Variants in DNAJC24 observed in about 807,000 individuals in gnomAD.
DNAJC24 encodes the protein dnaJ homolog subfamily C member 24.
In DNAJC24, 17 loss-of-function variants were observed where a neutral mutation model predicts 18.0. That is an observed-to-expected ratio of 0.94 (90% CI 0.65 to 1.42). The LOEUF (loss-of-function observed/expected upper bound fraction) is 1.42. DNAJC24 is among the 40% of genes most tolerant of loss of function. The pLI, the probability that DNAJC24 is intolerant of heterozygous loss-of-function variation, is 0.00. For missense variants in DNAJC24, 158 were observed against 175.6 expected (o/e 0.90, Z 0.57); for synonymous variants, 55 against 57.7 (o/e 0.95, Z 0.21).
rs1198570161 is a variant in DNAJC24 at position 31,432,553 on chromosome 11, C to A, written c.*2152C>A. ...GGGCTGGCACGTAAAAATCCAAAATCACTCAGAGGCCAAATCTGTAAAATC... is the reference window on the plus strand; with the variant it reads ...GGGCTGGCACGTAAAAATCCAAAATAACTCAGAGGCCAAATCTGTAAAATC... On this transcript the variant is annotated 3_prime_UTR_variant, in exon 5 of 5. Coordinates refer to ENST00000465995, the MANE Select transcript of DNAJC24 (RefSeq NM_181706.5). The A allele has an allele frequency of 1.2e-6, 2 of 1,611,698 alleles. No homozygotes were observed. Among genetic ancestry groups the A allele is most frequent in the Non-Finnish European group, 1.7e-6 (2 of 1,178,082 alleles).
intron 3 of DNAJC24, among the ~76,000 whole-genome samples, chr11:31,421,424 A>T (rs1307813034): frequency 1.3e-5 from 2 of 152,186 alleles, no homozygotes; most frequent in African/African-American, 4.8e-5. Context: ...ACAGTGGACT[A>T]ATTGCTAAAT....
At chr11:31,385,529 C>T (rs1952419866) in intron 2 of DNAJC24, among the ~76,000 whole-genome samples, 1 of 152,126 alleles carries the variant, frequency 6.6e-6, no homozygotes, top group Non-Finnish European at 1.5e-5. Context: ...TACTGTCCCA[C>T]CATATGATTG....
At chr11:31,374,286 G>T in intron 2 of DNAJC24, 1 of 154,098 alleles carries the variant, frequency 6.5e-6, no homozygotes, top group Non-Finnish European at 1.5e-5. Context: ...ACTTTGCTAA[G>T]AGTTTTTATG....
intron 2 of DNAJC24, among the ~76,000 whole-genome samples, chr11:31,411,191 C>T (rs1416761118): frequency 6.6e-6 from 1 of 152,054 alleles, no homozygotes; most frequent in South Asian, 2.1e-4. Context: ...ACTTTGAGAT[C>T]GGAAAGTCTT....
At position 31,374,747 on chromosome 11, in the gene DNAJC24, G is replaced by A. The variant is rs187085351; in HGVS notation, c.111+3888G>A. Among the ~76,000 whole-genome samples the A allele has an allele frequency of 2.4e-4, 32 of 133,752 alleles. 9 individuals carry two copies. The East Asian group carries it at 3.1e-3, about 13-fold the overall frequency. The allele number at this position is 133,752 out of a possible 152,430, so 87.7% of individuals were successfully genotyped here. A position where few individuals can be genotyped will look rare whatever the true frequency, so the allele number is the denominator to read the frequency against. On this transcript the variant is annotated intron_variant, in intron 2 of 4. Transcript: ENST00000465995. The stretch of plus-strand genomic sequence containing the variant: ...CTCTCAAAGGTACTTAATGCCTTCC[G>A]TTCCTCAATTTCTCCTGCCTCTGTG...
At chr11:31,426,193 A>T in intron 3 of DNAJC24, 94 bp from the exon 4 acceptor site, 1 of 744,174 alleles carries the variant, frequency 1.3e-6, no homozygotes, top group South Asian at 1.8e-5. Flanking sequence ...TTAGAATTGT[A>T]GTGGCCAGGC....
intron 2 of DNAJC24, among the ~76,000 whole-genome samples, chr11:31,407,253 G>A (rs1410747673): frequency 1.3e-5 from 2 of 152,020 alleles, no homozygotes; most frequent in Non-Finnish European, 2.9e-5. Context: ...ATGGTTTATT[G>A]TTACTTCTTA....
chr11:31,381,698 C>A (rs1952378365), intron 2 of DNAJC24, among the ~76,000 whole-genome samples: 1 of 151,688 alleles, frequency 6.6e-6, no homozygotes, highest in Non-Finnish European at 1.5e-5. Flanking sequence ...CTTCAGCTAA[C>A]CCCAGTAGCT....
chr11:31,387,580 C>T (rs1051202121), intron 2 of DNAJC24, among the ~76,000 whole-genome samples: 1 of 152,156 alleles, frequency 6.6e-6, no homozygotes, highest in Non-Finnish European at 1.5e-5. Context: ...CGAGCAGTGA[C>T]CAAAGACTTA....
chr11:31,394,061 C>T (rs952013640), intron 2 of DNAJC24, among the ~76,000 whole-genome samples: 3 of 152,138 alleles, frequency 2.0e-5, no homozygotes, highest in Non-Finnish European at 4.4e-5. Flanking sequence ...TTAGGGCCAA[C>T]AGCACTGTAA....
chr11:31,431,046 G>A lies in DNAJC24; in HGVS notation c.*645G>A, dbSNP rs1282888476. 6.6e-6 allele frequency: 1 copy of A among 152,074 alleles called. No homozygotes were observed. Among genetic ancestry groups the A allele is most frequent in the Non-Finnish European group, 1.5e-5 (1 of 68,022 alleles). The allele number at this position is 152,074 out of a possible 1,614,324, so 9.4% of individuals were successfully genotyped here. On this transcript the variant is annotated 3_prime_UTR_variant, in exon 5 of 5. Transcript: ENST00000465995. The stretch of plus-strand genomic sequence containing the variant: ...TTTAATTTCTTTTTTCTAAGACAGA[G>A]TCTCACTCTGTCGCGCCAGCTGGAG...
chr11:31,393,936 A>T (rs193089287), intron 2 of DNAJC24, among the ~76,000 whole-genome samples: 3,006 of 152,278 alleles, frequency 0.02, 85 homozygotes, highest in African/African-American at 0.068. Flanking sequence ...TACATTCCTG[A>T]GAGCCTCTGC....
chr11:31,396,445 G>A, intron 2 of DNAJC24: 1 of 327,220 alleles, frequency 3.1e-6, no homozygotes, highest in East Asian at 7.8e-5. Flanking sequence ...TCTTAGAGGA[G>A]TTCATAACTC....
chr11:31,370,891 A>G, intron 2 of DNAJC24, 32 bp downstream of exon 2: 1 of 1,430,936 alleles, frequency 7.0e-7, no homozygotes, highest in Non-Finnish European at 9.6e-7. Flanking sequence ...TTAAATCATG[A>G]GGGGAAAAAA....
At chr11:31,403,847 C>A (rs1485279137) in intron 2 of DNAJC24, among the ~76,000 whole-genome samples, 1 of 152,150 alleles carries the variant, frequency 6.6e-6, no homozygotes, top group Non-Finnish European at 1.5e-5. Context: ...AGAAAGACTT[C>A]AGGGTGAGTC....
chr11:31,388,285 T>G (rs1410798402), intron 2 of DNAJC24, among the ~76,000 whole-genome samples: 1 of 152,052 alleles, frequency 6.6e-6, no homozygotes, highest in African/African-American at 2.4e-5. Context: ...CCAAGCAGAT[T>G]TAACCGAAAT....
chr11:31,408,277 C>T, intron 2 of DNAJC24: 1 of 440,786 alleles, frequency 2.3e-6, no homozygotes, highest in Non-Finnish European at 4.5e-6. Context: ...GTAACAGTTG[C>T]TTGGAGAGCT....
At chr11:31,381,777 A>G (rs928441322) in intron 2 of DNAJC24, among the ~76,000 whole-genome samples, 1 of 151,952 alleles carries the variant, frequency 6.6e-6, no homozygotes, top group Non-Finnish European at 1.5e-5. Context: ...GGGTTTCACC[A>G]TGTTCGCCAG....
At chr11:31,413,429 C>T (rs966457202) in intron 2 of DNAJC24, among the ~76,000 whole-genome samples, 4 of 147,040 alleles carry the variant, frequency 2.7e-5, no homozygotes, top group African/African-American at 1.0e-4. Context: ...CTCCCGGGTT[C>T]ACGCCATTCT....
Sources: gnomAD v4.1 joint callset for allele counts (sites outside exome capture counted in the v4.1 genomes callset) on GRCh38, gnomAD v4.1.1 for gene constraint, MANE v1.5 for transcripts, NCBI Gene and HGNC (gene_info 2026-07-23, HGNC 2026-07-21) for gene names.